Variants in CALML4 observed in about 807,000 individuals in gnomAD.
CALML4 encodes the protein calmodulin-like protein 4.
Under a neutral mutation model 17.9 loss-of-function variants are expected in CALML4, and 16 were observed. That is an observed-to-expected ratio of 0.89 (90% CI 0.61 to 1.36). CALML4 has a LOEUF of 1.36. Among genes scored for constraint, CALML4 ranks in the 40% most tolerant of loss-of-function variants. The pLI is 0.00. For missense variants in CALML4, 203 were observed against 194.8 expected, an observed-to-expected ratio of 1.04 and a Z score of -0.25; for synonymous variants, 86 against 71.5, an observed-to-expected ratio of 1.20 and a Z score of -1.02.
chr15:68,197,054 T>C lies in CALML4; in HGVS notation c.364+386A>G, dbSNP rs1450662219. Among the ~76,000 whole-genome samples the C allele has an allele frequency of 6.6e-6, 1 of 152,140 alleles. No individual in the cohort carries two copies. The highest frequency in any genetic ancestry group is 1.5e-5 in the Non-Finnish European group (1 of 68,012). On this transcript the variant is annotated intron_variant, in intron 4 of 4. Transcript: ENST00000467889. This position sits in a 1 kb window ranked among gnomAD's most constrained non-coding sequence, Gnocchi z 4.1. ...TCCTGCGCCGCTGCTTGGGAGCCGC[T>C]CACTCCCCCTGCTTCTTTATCAGTA...
In CALML4 at chr15:68,204,277, C is replaced by T. The variant is rs539900256; in HGVS notation, c.34+844G>A. Among the ~76,000 whole-genome samples the T allele has an allele frequency of 3.3e-5, 5 of 152,300 alleles. No homozygotes were observed. The South Asian group carries it at 1.0e-3, about 32-fold the overall frequency. ...CCTGGATCACAAGGGCCCAAGGTGCCTGTAATTTTATCTCCAGTGGTCAGC... is the reference window on the plus strand; with the variant it reads ...CCTGGATCACAAGGGCCCAAGGTGCTTGTAATTTTATCTCCAGTGGTCAGC... On this transcript the variant is annotated intron_variant, in intron 2 of 4. Transcript: ENST00000467889. This position sits in a 1 kb window ranked among gnomAD's most constrained non-coding sequence, Gnocchi z 6.0.
chr15:68,198,543 AACT>A (rs2093153989), intron 3 of CALML4: 1 of 152,266 alleles, frequency 6.6e-6, no homozygotes, highest in South Asian at 2.1e-4. Flanking sequence ...CAGGCTCTGA[AACT>A]ACTTTTTTTC....
intron 4 of CALML4, among the ~76,000 whole-genome samples, chr15:68,195,357 CTGAG>C (rs534819547): frequency 3.1e-4 from 47 of 152,300 alleles, no homozygotes; most frequent in Non-Finnish European, 5.1e-4. Context: ...GATAGTAGTT[CTGAG>C]TATTTATTGG....
Position 68,192,859 on chromosome 15 carries a change from C to T in CALML4, c.*1156G>A, listed in dbSNP as rs994859864. The T allele has an allele frequency of 6.6e-6, 1 of 152,286 alleles. No individual in the cohort carries two copies. The highest frequency in any genetic ancestry group is 1.5e-5 in the Non-Finnish European group (1 of 68,124). The allele number at this position is 152,286 out of a possible 1,614,324, so 9.4% of individuals were successfully genotyped here. A position where few individuals can be genotyped will look rare whatever the true frequency, so the allele number is the denominator to read the frequency against. On this transcript the variant is annotated 3_prime_UTR_variant, in exon 5 of 5. Coordinates refer to ENST00000467889, the MANE Select transcript of CALML4 (RefSeq NM_033429.3). ...TCTTTGTACTTGAAGCCCTGCACCC[C>T]TACCTGTGTTGGTGTGGTACTCCAG...
Position 68,199,635 on chromosome 15 carries a change from C to A in CALML4, c.81G>T (p.Lys27Asn), listed in dbSNP as rs768587670. Residue 27 changes from lysine (K) to asparagine (N), a missense_variant, in exon 3 of 5, where the codon AAG (lysine) becomes AAT (asparagine). Coordinates refer to ENST00000467889, the MANE Select transcript of CALML4 (RefSeq NM_033429.3). ...FSLYDKQQRG[K>N]IKATDLMVAM... ...CCACCATGAGGTCGGTGGCTTTTAT[C>A]TTCCCCCTCTGCTGCTTGTCATACA... 6.2e-7 allele frequency: 1 copy of A among 1,613,626 alleles called. No homozygotes were observed.
rs2093136011 is a variant in CALML4, at chr15:68,194,789, A to T, written c.365-677T>A. Among the ~76,000 whole-genome samples, 3 of 152,234 alleles carry T rather than the reference A, an allele frequency of 2.0e-5. No individual in the cohort carries two copies. In the South Asian group the frequency reaches 6.2e-4, roughly 32 times the overall value. ...TTTACCTTCCGCAGCTCAGCCTGCA[A>T]ACAGAGCGAACATCCTCCACAGTCC... On this transcript the variant is annotated intron_variant, in intron 4 of 4. Transcript: ENST00000467889.
chr15:68,203,091 A>G (rs1347845633), intron 2 of CALML4, among the ~76,000 whole-genome samples: 1 of 107,288 alleles, frequency 9.3e-6, no homozygotes, highest in African/African-American at 3.8e-5. Flanking sequence ...CTGGGATTAC[A>G]GGCATGAGCC....
Position 68,199,616 on chromosome 15 carries a change from T to G in CALML4, c.100A>C (p.Met34Leu). The G allele has an allele frequency of 1.9e-6, 3 of 1,613,554 alleles. No homozygotes were observed. The highest frequency in any genetic ancestry group is 1.6e-4 in the Middle Eastern group (1 of 6,062). ...QRGKIKATDL[M>L]VAMRCLGASP... ...GCCCCCAGGCACCTCATGGCCACCA[T>G]GAGGTCGGTGGCTTTTATCTTCCCC... Residue 34 changes from methionine (M) to leucine (L), a missense_variant, in exon 3 of 5, where the codon ATG becomes CTG. Transcript: ENST00000467889.
chr15:68,202,385 C>T (rs1289348821), intron 2 of CALML4, among the ~76,000 whole-genome samples: 4 of 152,214 alleles, frequency 2.6e-5, no homozygotes, highest in Non-Finnish European at 4.4e-5. Context: ...ACAGGAGTAT[C>T]GCTTGGGCCC....
rs1251665583 is a variant in CALML4 at position 68,200,973 on chromosome 15, C to T, written c.35-1292G>A. 2.0e-5 allele frequency among the ~76,000 whole-genome samples: 3 copies of T among 152,048 alleles called. No homozygotes were observed. Among genetic ancestry groups the T allele is most frequent in the Non-Finnish European group, 4.4e-5 (3 of 68,020 alleles). ...GGCCACACTGCCTTCGGTTCCAGGG[C>T]AGACACCACTGAGAGCAGTAGGGTG... On this transcript the variant is annotated intron_variant, in intron 2 of 4. Coordinates refer to ENST00000467889, the MANE Select transcript of CALML4 (RefSeq NM_033429.3). This position sits in a 1 kb window ranked among gnomAD's most constrained non-coding sequence, Gnocchi z 4.3.
chr15:68,194,140 G>T (rs1425959381), intron 4 of CALML4, 28 bp from the exon 5 acceptor site: 2 of 1,585,884 alleles, frequency 1.3e-6, no homozygotes, highest in Admixed American at 1.7e-5. Context: ...TAATTTTTCA[G>T]TTTGGCTTTA....
At position 68,204,827 on chromosome 15, in the gene CALML4, T is replaced by A. The variant is rs2093176780; in HGVS notation, c.34+294A>T. ...TAATGGTCTCTCTCTCCATCCCCAGTCCCCTCAGTCCCCAAATCCAACTGG... is the reference window on the plus strand; with the variant it reads ...TAATGGTCTCTCTCTCCATCCCCAGACCCCTCAGTCCCCAAATCCAACTGG... On this transcript the variant is annotated intron_variant, in intron 2 of 4. Coordinates refer to ENST00000467889, the MANE Select transcript of CALML4 (RefSeq NM_033429.3). The surrounding 1 kb of genome is among the most constrained non-coding windows in gnomAD (Gnocchi z 6.0). Among the ~76,000 whole-genome samples the A allele has an allele frequency of 6.6e-6, 1 of 152,004 alleles. No homozygotes were observed. Among genetic ancestry groups the A allele is most frequent in the African/African-American group, 2.4e-5 (1 of 41,376 alleles).
At chr15:68,202,807 CTTTTTTTTTT>C (rs35057668) in intron 2 of CALML4, among the ~76,000 whole-genome samples, 1 of 95,032 alleles carries the variant, frequency 1.1e-5, no homozygotes, top group Non-Finnish European at 2.0e-5. Context: ...CCATGACCGG[CTTTTTTTTTT>C]TTTTTTTTTT....
In CALML4 at chr15:68,200,571, T is replaced by G. The variant is rs1200782525; in HGVS notation, c.35-890A>C. Among the ~76,000 whole-genome samples the G allele has an allele frequency of 6.6e-6, 1 of 152,178 alleles. No homozygotes were observed. The highest frequency in any genetic ancestry group is 1.5e-5 in the Non-Finnish European group (1 of 68,024). On this transcript the variant is annotated intron_variant, in intron 2 of 4. Coordinates refer to ENST00000467889, the MANE Select transcript of CALML4 (RefSeq NM_033429.3). The surrounding 1 kb of genome is among the most constrained non-coding windows in gnomAD (Gnocchi z 4.3). ...GGAAAAGTCCCTGAACCGCACTGAC[T>G]GAGCATCTGATTTAGGGGTAGGTGG...
chr15:68,198,157 C>G (rs3743089), intron 3 of CALML4: 1 of 152,416 alleles, frequency 6.6e-6, no homozygotes, highest in African/African-American at 2.4e-5. Context: ...GAAATCAAAA[C>G]TTCCCTGGAC....
chr15:68,201,235 A>AG (rs1415833070), intron 2 of CALML4, among the ~76,000 whole-genome samples: 1 of 152,218 alleles, frequency 6.6e-6, no homozygotes, highest in Non-Finnish European at 1.5e-5. Context: ...GAGCTTCCGA[A>AG]GGGGCAAACC....
rs775844059 is a variant in CALML4, at chr15:68,194,071, T to C, written c.406A>G (p.Lys136Glu). The change falls in exon 5 of 5, where the codon AAA becomes GAA. Residue 136 changes from lysine to glutamate, a missense_variant. Physicochemically the swap from Lys to Glu is moderately conservative, Grantham distance 56. Transcript: ENST00000467889. ...FREADIEPNG[K>E]VKYDEFIHKI... ...TGGATAAATTCATCATACTTCACTT[T>C]GCCATTGGGTTCGATATCTGCTTCC... The C allele has an allele frequency of 6.2e-7, 1 of 1,614,172 alleles. No individual in the cohort carries two copies.
rs758976181 is a variant in CALML4 at position 68,197,527 on chromosome 15, C to T, written c.277G>A (p.Val93Met). The change falls in exon 4 of 5, where the codon GTG becomes ATG. Residue 93 changes from valine (V) to methionine (M), a missense_variant. Transcript: ENST00000467889. The surrounding 1 kb of genome is among the most constrained non-coding windows in gnomAD (Gnocchi z 4.1). Reference sequence around the variant, plus strand: ...ACGTAACCTTTCTTCTCCTTGTCCACCATCAACATGGCTAGAAGAATTTCT... The same window carrying T: ...ACGTAACCTTTCTTCTCCTTGTCCATCATCAACATGGCTAGAAGAATTTCT... The part of the protein sequence containing the change: ...KKEILLAMLM[V>M]DKEKKGYVMA... The T allele has an allele frequency of 6.2e-7, 1 of 1,614,138 alleles. No individual in the cohort carries two copies. Among genetic ancestry groups the T allele is most frequent in the South Asian group, 1.1e-5 (1 of 91,080 alleles).
chr15:68,196,122 C>T (rs1234850693), intron 4 of CALML4, among the ~76,000 whole-genome samples: 1 of 152,196 alleles, frequency 6.6e-6, no homozygotes, highest in Non-Finnish European at 1.5e-5. Flanking sequence ...AAGCTCGGCT[C>T]ACTGCAACCT....
Sources: allele counts gnomAD v4.1 joint callset (sites outside exome capture counted in the v4.1 genomes callset), GRCh38; gene constraint gnomAD v4.1.1; non-coding constraint Gnocchi (gnomAD v3.1); transcripts MANE v1.5; gene names NCBI Gene and HGNC (gene_info 2026-07-23, HGNC 2026-07-21).